The following RSF1 variants were observed in gnomAD, a reference collection of about 807,000 sequenced individuals.
RSF1 encodes remodeling and spacing factor 1.
Under a neutral mutation model 145.2 loss-of-function variants are expected in RSF1, and 13 were observed. That is an observed-to-expected ratio of 0.09 (90% CI 0.06 to 0.14). The LOEUF (loss-of-function observed/expected upper bound fraction) is 0.14. Ranked by LOEUF, RSF1 falls within the 10% of genes least tolerant of loss-of-function variation. RSF1 has a pLI of 1.00. For synonymous variants in RSF1, 577 were observed against 592.6 expected, an observed-to-expected ratio of 0.97 and a Z score of 0.38; for missense variants, 1,517 against 1,718.2, an observed-to-expected ratio of 0.88 and a Z score of 2.07.
chr11:77,776,420 A>G (rs553715239), intron 1 of RSF1, among the ~76,000 whole-genome samples: 1 of 152,272 alleles, frequency 6.6e-6, no homozygotes. Context: ...CTAATAAGTG[A>G]TCAGCTCATA....
intron 4 of RSF1, among the ~76,000 whole-genome samples, chr11:77,730,025 G>A (rs1453996955): frequency 2.0e-5 from 3 of 151,030 alleles, no homozygotes; most frequent in African/African-American, 4.9e-5. Context: ...TATGTTCCAA[G>A]CATTAATTAT....
intron 1 of RSF1, among the ~76,000 whole-genome samples, chr11:77,800,530 A>G (rs1363343677): frequency 6.6e-6 from 1 of 152,290 alleles, no homozygotes; most frequent in East Asian, 1.9e-4. Flanking sequence ...CCACAAAGAA[A>G]GCCCAGTACC....
At chr11:77,793,222 G>C (rs1443864469) in intron 1 of RSF1, among the ~76,000 whole-genome samples, 1 of 152,186 alleles carries the variant, frequency 6.6e-6, no homozygotes, top group Non-Finnish European at 1.5e-5. Context: ...GCTCACGCCT[G>C]TAATCCCAGC....
chr11:77,828,670 GAAA>G, the RSF1 span, among the ~76,000 whole-genome samples: 1 of 83,918 alleles, frequency 1.2e-5, no homozygotes. Flanking sequence ...ACTCCATCTC[GAAA>G]AAAAAAAAAA....
At position 77,675,063 on chromosome 11, in the gene RSF1, C is replaced by T; in HGVS notation, c.3535G>A (p.Glu1179Lys). Residue 1179 changes from glutamate (E) to lysine (K), a missense_variant, in exon 14 of 16, where the codon GAA becomes AAA. Physicochemically the swap from Glu to Lys is moderately conservative, Grantham distance 56 (BLOSUM62 1). Around this residue, in one of 12 missense-constraint regions of RSF1, gnomAD observed 231 missense variants for 276.6 expected, o/e 0.84. Transcript: ENST00000308488. Reference protein sequence around the residue: ...KKYSDDDEEEESEENSRDSES... With the variant: ...KKYSDDDEEEKSEENSRDSES... The stretch of plus-strand genomic sequence containing the variant: ...GAGTCTCTACTATTCTCCTCAGATT[C>T]CTCCTCTTCATCATCATCGGAATAT... 1 of 1,613,200 alleles carries T rather than the reference C, an allele frequency of 6.2e-7. No individual in the cohort carries two copies. Among genetic ancestry groups the T allele is most frequent in the Non-Finnish European group, 8.5e-7 (1 of 1,179,672 alleles).
chr11:77,684,719 G>A (rs1417769879), intron 10 of RSF1, among the ~76,000 whole-genome samples: 2 of 152,110 alleles, frequency 1.3e-5, no homozygotes, highest in African/African-American at 4.8e-5. Flanking sequence ...CAGGAGCAGT[G>A]GCTCACACCT....
intron 1 of RSF1, among the ~76,000 whole-genome samples, chr11:77,778,322 T>C (rs1948369433): frequency 6.6e-6 from 1 of 150,550 alleles, no homozygotes; most frequent in Non-Finnish European, 1.5e-5. Flanking sequence ...AAAACAATGT[T>C]CCTAGCGGTG....
the RSF1 span, among the ~76,000 whole-genome samples, chr11:77,847,302 A>T: frequency 6.6e-6 from 1 of 152,082 alleles, no homozygotes; most frequent in Non-Finnish European, 1.5e-5. Flanking sequence ...ATTTCAGAGG[A>T]TGTTTATTTT....
At chr11:77,734,004 G>C (rs1424828138) in intron 4 of RSF1, among the ~76,000 whole-genome samples, 1 of 151,978 alleles carries the variant, frequency 6.6e-6, no homozygotes, top group Non-Finnish European at 1.5e-5. Context: ...ATGAAATAAT[G>C]CTTTTGTGGC....
At chr11:77,756,871 A>G (rs969733861) in intron 2 of RSF1, among the ~76,000 whole-genome samples, 2 of 152,262 alleles carry the variant, frequency 1.3e-5, no homozygotes, top group African/African-American at 4.8e-5. Context: ...ATTAAAAGAC[A>G]GTCTCTGCTC....
At chr11:77,676,067 G>A (rs956833932) in intron 13 of RSF1, among the ~76,000 whole-genome samples, 1 of 152,056 alleles carries the variant, frequency 6.6e-6, no homozygotes, top group Non-Finnish European at 1.5e-5. Flanking sequence ...GACATTTTAC[G>A]GCTTGCTGTC....
rs550100525 is a variant in RSF1 at position 77,758,613 on chromosome 11, T to C, written c.279+5985A>G. Reference sequence around the variant, plus strand: ...CTCCACAAATTCACCACACTTACTTTCCTTTTTAAAAAAAATAGCCATCCT... The same window carrying C: ...CTCCACAAATTCACCACACTTACTTCCCTTTTTAAAAAAAATAGCCATCCT... On this transcript the variant is annotated intron_variant, in intron 2 of 15. Transcript: ENST00000308488. 1.4e-3 allele frequency among the ~76,000 whole-genome samples: 217 copies of C among 152,260 alleles called. 1 individual carries two copies. The highest frequency in any genetic ancestry group is 3.6e-3 in the African/African-American group (148 of 41,550).
chr11:77,769,065 T>C (rs2135942656), intron 1 of RSF1, among the ~76,000 whole-genome samples: 1 of 152,282 alleles, frequency 6.6e-6, no homozygotes, highest in Middle Eastern at 3.4e-3. Flanking sequence ...CAATCATATA[T>C]ATATTTTTTT....
chr11:77,836,268 C>T, the RSF1 span, among the ~76,000 whole-genome samples: 3 of 152,014 alleles, frequency 2.0e-5, no homozygotes, highest in Non-Finnish European at 4.4e-5. Flanking sequence ...AGCCCTAACC[C>T]CAAAAACGAC....
chr11:77,763,113 G>T (rs1049566903), intron 2 of RSF1: 1 of 152,186 alleles, frequency 6.6e-6, no homozygotes, highest in Non-Finnish European at 1.5e-5. Context: ...GGCCGAGGTG[G>T]GCGGATCACG....
intron 5 of RSF1, among the ~76,000 whole-genome samples, chr11:77,718,647 T>C (rs1018477275): frequency 6.6e-6 from 1 of 152,182 alleles, no homozygotes; most frequent in African/African-American, 2.4e-5. Flanking sequence ...GGAATGGTGC[T>C]CTTATAAGAT....
the RSF1 span, chr11:77,869,319 T>C: frequency 6.0e-6 from 1 of 165,478 alleles, no homozygotes; most frequent in Non-Finnish European, 1.3e-5. Flanking sequence ...TTTCTTTTTT[T>C]TTTTTTTTTT....
intron 5 of RSF1, among the ~76,000 whole-genome samples, chr11:77,723,501 GTTTAAT>G (rs573390180): frequency 7.9e-4 from 120 of 152,232 alleles, no homozygotes; most frequent in African/African-American, 2.7e-3. Context: ...TAGTCTGTAA[GTTTAAT>G]TTTAACATAT....
chr11:77,713,914 T>C (rs948913521), intron 5 of RSF1, among the ~76,000 whole-genome samples: 3 of 152,212 alleles, frequency 2.0e-5, no homozygotes, highest in African/African-American at 7.2e-5. Flanking sequence ...CTTGTTCTTA[T>C]AATCCCAGGA....
Sources: gnomAD v4.1 joint callset for allele counts (sites outside exome capture counted in the v4.1 genomes callset) on GRCh38, gnomAD v4.1.1 for gene constraint, gnomAD v4.1.1 regional missense constraint, MANE v1.5 for transcripts, NCBI Gene and HGNC (gene_info 2026-07-23, HGNC 2026-07-21) for gene names.